The following HEBP2 variants were observed in gnomAD, a reference collection of about 807,000 sequenced individuals.
HEBP2 encodes heme-binding protein 2.
A neutral mutation model predicts 23.1 loss-of-function variants in HEBP2; 27 were observed. The ratio of observed to expected loss-of-function variants is 1.17; its 90% CI spans 0.86 to 1.61. The LOEUF is 1.61. Ranked by LOEUF, HEBP2 falls within the 40% of genes most tolerant of loss-of-function variation. HEBP2 has a pLI of 0.00. For missense variants in HEBP2, 245 were observed against 253.8 expected (o/e 0.97, Z 0.24); for synonymous variants, 99 against 95.1 (o/e 1.04, Z -0.24).
Position 138,416,185 on chromosome 6 carries a change from G to GA in HEBP2, c.*3108dup, listed in dbSNP as rs1394153098. 6.6e-6 allele frequency: 1 copy of GA among 152,328 alleles called. No homozygotes were observed. Among genetic ancestry groups the GA allele is most frequent in the Non-Finnish European group, 1.5e-5 (1 of 68,148 alleles). 9.4% of individuals were successfully genotyped at this position (152,328 alleles called of 1,614,324 possible). ...TGGGTTTATACAACTAGATAAAGGA[G>GA]AGGGTATATTGACTTGGGGCTCTCA... On this transcript the variant is annotated 3_prime_UTR_variant, in exon 4 of 4. Coordinates refer to ENST00000607197, the MANE Select transcript of HEBP2 (RefSeq NM_014320.3).
intron 3 of HEBP2, among the ~76,000 whole-genome samples, chr6:138,412,539 C>T (rs1302419189): frequency 6.6e-6 from 1 of 152,118 alleles, no homozygotes; most frequent in African/African-American, 2.4e-5. Flanking sequence ...CTGCAACCTC[C>T]ACCTCCCAGG....
upstream of HEBP2, among the ~76,000 whole-genome samples, chr6:138,403,968 G>C (rs538088283): frequency 1.5e-3 from 225 of 152,176 alleles, 1 homozygote; most frequent in Middle Eastern, 0.01. Context: ...GGCAGGGGCC[G>C]CGGGGGTCGG....
chr6:138,410,339 T>C (rs1774723134), intron 3 of HEBP2, among the ~76,000 whole-genome samples: 1 of 152,210 alleles, frequency 6.6e-6, no homozygotes, highest in Non-Finnish European at 1.5e-5. Flanking sequence ...GAACAAAAGC[T>C]TATTTCTAAT....
chr6:138,407,629 G>A (rs570900441), intron 3 of HEBP2, among the ~76,000 whole-genome samples: 132 of 152,334 alleles, frequency 8.7e-4, no homozygotes, highest in African/African-American at 3.1e-3. Flanking sequence ...GGTGTGCCCG[G>A]CTCCCATGGC....
In HEBP2 at chr6:138,416,107, G is replaced by T. The variant is rs371812267; in HGVS notation, c.*3029G>T. On this transcript the variant is annotated 3_prime_UTR_variant, in exon 4 of 4. Coordinates refer to ENST00000607197, the MANE Select transcript of HEBP2 (RefSeq NM_014320.3). ...CTAACCTGGCAGCATGTACTGCAGG[G>T]GCCAGGGGCGTACTCTTGGGACTGG... 2.0e-5 allele frequency: 3 copies of T among 152,286 alleles called. No homozygotes were observed. The highest frequency in any genetic ancestry group is 7.2e-5 in the African/African-American group (3 of 41,410). The allele number at this position is 152,286 out of a possible 1,614,324, so 9.4% of individuals were successfully genotyped here.
intron 3 of HEBP2, among the ~76,000 whole-genome samples, chr6:138,408,570 C>T (rs368836393): frequency 6.6e-6 from 1 of 152,198 alleles, no homozygotes; most frequent in African/African-American, 2.4e-5. Context: ...TTGCCATCCT[C>T]AGCAGTGCCT....
chr6:138,409,991 T>C (rs1774716553), intron 3 of HEBP2, among the ~76,000 whole-genome samples: 1 of 152,230 alleles, frequency 6.6e-6, no homozygotes, highest in Admixed American at 6.5e-5. Flanking sequence ...AACATGAGCA[T>C]CAAGCATTCC....
chr6:138,406,129 G>C lies in HEBP2; in HGVS notation c.397G>C (p.Ala133Pro). ...GTCAGATGTCTTCATTGAAGATAGA[G>C]CCGAAATGACTGTGTTTGTACGGTA... The part of the protein sequence containing the change: ...LESDVFIEDR[A>P]EMTVFVRSFD... Residue 133 changes from alanine (A) to proline (P), a missense_variant, in exon 3 of 4, where the codon GCC becomes CCC. Ala to Pro is a conservative substitution (Grantham distance 27). Coordinates refer to ENST00000607197, the MANE Select transcript of HEBP2 (RefSeq NM_014320.3). 1 of 1,613,926 alleles carries C rather than the reference G, an allele frequency of 6.2e-7. No homozygotes were observed. The highest frequency in any genetic ancestry group is 8.5e-7 in the Non-Finnish European group (1 of 1,179,950).
chr6:138,408,759 A>G (rs184336118), intron 3 of HEBP2, among the ~76,000 whole-genome samples: 2 of 152,246 alleles, frequency 1.3e-5, no homozygotes, highest in East Asian at 3.9e-4. Flanking sequence ...CCCTAGGATC[A>G]CTGTCGATGC....
intron 1 of HEBP2, 98 bp from the exon 2 acceptor site, chr6:138,405,047 C>A: frequency 7.4e-7 from 1 of 1,353,346 alleles, no homozygotes; most frequent in South Asian, 1.3e-5. Flanking sequence ...CTAGACAGGA[C>A]GGCTCCAGGT....
chr6:138,406,220 C>A, intron 3 of HEBP2, 69 bp downstream of exon 3: 1 of 1,367,280 alleles, frequency 7.3e-7, no homozygotes, highest in Admixed American at 2.1e-5. Context: ...AGTTTAGCTC[C>A]AATGCAATTT....
intron 2 of HEBP2, among the ~76,000 whole-genome samples, chr6:138,405,508 G>A (rs1774629332): frequency 6.6e-6 from 1 of 152,150 alleles, no homozygotes; most frequent in Non-Finnish European, 1.5e-5. Flanking sequence ...GGTGTAACTC[G>A]TGATAAGTCC....
rs1774931016 is a variant in HEBP2, at chr6:138,421,574, A to G, written c.*8496A>G. ...GGGCTTCTGTGATTATCTGGAACTT[A>G]AAGTATGAGGGTATGAGAGCCATCA... is the stretch of plus-strand genomic sequence containing the variant. On this transcript the variant is annotated 3_prime_UTR_variant, in exon 4 of 4. Transcript: ENST00000607197. 6.6e-6 allele frequency: 1 copy of G among 151,976 alleles called. No homozygotes were observed. The highest frequency in any genetic ancestry group is 1.5e-5 in the Non-Finnish European group (1 of 67,974). The allele number at this position is 151,976 out of a possible 1,614,324, so 9.4% of individuals were successfully genotyped here. A position where few individuals can be genotyped will look rare whatever the true frequency, so the allele number is the denominator to read the frequency against.
In HEBP2 at chr6:138,404,585, C is replaced by T. The variant is rs1289848948; in HGVS notation, c.90C>T (p.Asp30=). The T allele has an allele frequency of 7.7e-7, 1 of 1,290,650 alleles. No homozygotes were observed. The highest frequency in any genetic ancestry group is 4.1e-5 in the Admixed American group (1 of 24,328). The allele number at this position is 1,290,650 out of a possible 1,614,324, so 79.9% of individuals were successfully genotyped here. Residue 30 remains aspartate (D), a synonymous_variant, in exon 1 of 4, where the codon GAC becomes GAT. Transcript: ENST00000607197. The part of the protein sequence containing the change: ...VETPGWKAPE[D]AGPQPGSYEI... ...CGCCGGGCTGGAAGGCCCCGGAGGACGCCGGCCCCCAGGTAGGCGCCGACT... is the reference window on the plus strand; with the variant it reads ...CGCCGGGCTGGAAGGCCCCGGAGGATGCCGGCCCCCAGGTAGGCGCCGACT...
In HEBP2 at chr6:138,415,050, A is replaced by G. The variant is rs1391675815; in HGVS notation, c.*1972A>G. The G allele has an allele frequency of 6.6e-6, 1 of 151,172 alleles. No homozygotes were observed. The highest frequency in any genetic ancestry group is 2.4e-5 in the African/African-American group (1 of 41,366). 9.4% of individuals were successfully genotyped at this position (151,172 alleles called of 1,614,324 possible). On this transcript the variant is annotated 3_prime_UTR_variant, in exon 4 of 4. Coordinates refer to ENST00000607197, the MANE Select transcript of HEBP2 (RefSeq NM_014320.3). ...TGACAGAGCAAGATCCTGTCTCAGA[A>G]AGAAAAAAAAAAGTCCTAGTCATTT...
At chr6:138,406,481 C>T (rs939990835) in intron 3 of HEBP2, among the ~76,000 whole-genome samples, 11 of 152,136 alleles carry the variant, frequency 7.2e-5, no homozygotes, top group African/African-American at 2.7e-4. Context: ...GCTGTTGTAA[C>T]AAAATACCGT....
chr6:138,404,713 C>A, intron 1 of HEBP2, 116 bp downstream of exon 1: 1 of 605,350 alleles, frequency 1.7e-6, no homozygotes, highest in Non-Finnish European at 2.4e-6. Flanking sequence ...GGTCCCAGTC[C>A]CTACCCACTA....
chr6:138,405,166 C>T lies in HEBP2; in HGVS notation c.124C>T (p.His42Tyr), dbSNP rs1402363682. 1.2e-6 allele frequency: 2 copies of T among 1,613,104 alleles called. No individual in the cohort carries two copies. Among genetic ancestry groups the T allele is most frequent in the Non-Finnish European group, 1.7e-6 (2 of 1,179,750 alleles). Residue 42 changes from histidine to tyrosine, a missense_variant, in exon 2 of 4, where the codon CAC becomes TAC. His to Tyr is a moderately conservative substitution (Grantham distance 83). Transcript: ENST00000607197. ...TTAGCCCGGAAGTTATGAGATCCGACACTATGGACCAGCCAAGTGGGTCAG... is the reference window on the plus strand; with the variant it reads ...TTAGCCCGGAAGTTATGAGATCCGATACTATGGACCAGCCAAGTGGGTCAG... ...GPQPGSYEIRHYGPAKWVSTS... is the reference protein window; with the variant it reads ...GPQPGSYEIRYYGPAKWVSTS...
At chr6:138,412,124 G>A (rs1238375931) in intron 3 of HEBP2, 3 of 434,392 alleles carry the variant, frequency 6.9e-6, no homozygotes, top group African/African-American at 6.2e-5. Context: ...AATCGAGTCT[G>A]GAAAAGGGGC....
Sources: gnomAD v4.1 joint callset for allele counts (sites outside exome capture counted in the v4.1 genomes callset) on GRCh38, gnomAD v4.1.1 for gene constraint, MANE v1.5 for transcripts, NCBI Gene and HGNC (gene_info 2026-07-23, HGNC 2026-07-21) for gene names.